The following DACH1 variants were observed in gnomAD, a reference collection of about 807,000 sequenced individuals.
DACH1 encodes the protein dachshund homolog 1.
In DACH1, 12 loss-of-function variants were observed where a neutral mutation model predicts 54.2. The ratio of observed to expected loss-of-function variants is 0.22; its 90% confidence interval spans 0.14 to 0.36. DACH1 has a LOEUF of 0.36. DACH1 is among the 10% of genes least tolerant of loss of function. The pLI is 1.00. For missense variants in DACH1, 805 were observed against 929.8 expected (o/e 0.87, Z 1.75); for synonymous variants, 386 against 366.2 (o/e 1.05, Z -0.62).
At chr13:71,515,747 T>C (rs1201646989) in intron 6 of DACH1, among the ~76,000 whole-genome samples, 2 of 151,962 alleles carry the variant, frequency 1.3e-5, no homozygotes, top group Non-Finnish European at 2.9e-5. Context: ...GGACTTATTC[T>C]TGGAGGTCAA....
chr13:71,809,390 C>T (rs1278975583), intron 1 of DACH1, among the ~76,000 whole-genome samples: 3 of 152,014 alleles, frequency 2.0e-5, no homozygotes, highest in African/African-American at 4.8e-5. Context: ...AGGCTTGTCT[C>T]GAACACCTGG....
chr13:71,771,316 GATAA>G (rs35368673), intron 1 of DACH1, among the ~76,000 whole-genome samples: 2,798 of 78,906 alleles, frequency 0.035, 51 homozygotes, highest in South Asian at 0.084. Flanking sequence ...GAAGCAAAAG[GATAA>G]ATAAATAAAT....
chr13:71,633,751 C>T (rs1327897185), intron 2 of DACH1, among the ~76,000 whole-genome samples: 1 of 152,128 alleles, frequency 6.6e-6, no homozygotes, highest in Non-Finnish European at 1.5e-5. Flanking sequence ...CACTAACTCA[C>T]CTGGCTGTTT....
intron 2 of DACH1, among the ~76,000 whole-genome samples, chr13:71,654,262 C>A (rs531060376): frequency 6.6e-6 from 1 of 151,384 alleles, no homozygotes; most frequent in Admixed American, 6.6e-5. Flanking sequence ...TGGCGGAGCA[C>A]ACCTGTAATC....
At chr13:71,724,793 T>TA (rs1461283676) in intron 1 of DACH1, among the ~76,000 whole-genome samples, 3 of 152,134 alleles carry the variant, frequency 2.0e-5, no homozygotes, top group Non-Finnish European at 4.4e-5. Context: ...TGTATTTTTT[T>TA]AAGCTCCAAT....
intron 10 of DACH1, among the ~76,000 whole-genome samples, chr13:71,465,169 A>C (rs1876455640): frequency 6.6e-6 from 1 of 152,098 alleles, no homozygotes; most frequent in Non-Finnish European, 1.5e-5. Context: ...AGAAGAATTT[A>C]TATCAAAGAG....
rs578202932 is a variant in DACH1 at position 71,724,821 on chromosome 13, C to T, written c.849-42911G>A. On this transcript the variant is annotated intron_variant, in intron 1 of 10. Coordinates refer to ENST00000613252, the MANE Select transcript of DACH1 (RefSeq NM_080759.6). ...GCTCCAATTAGCTCCATAAAGACTACTTTAGAGGAATAAAAACATTCAAAT... is the reference window on the plus strand; with the variant it reads ...GCTCCAATTAGCTCCATAAAGACTATTTTAGAGGAATAAAAACATTCAAAT... 1.3e-4 allele frequency among the ~76,000 whole-genome samples: 20 copies of T among 152,084 alleles called. No homozygotes were observed. The East Asian group carries it at 1.9e-3, about 15-fold the overall frequency.
intron 1 of DACH1, among the ~76,000 whole-genome samples, chr13:71,863,308 G>T (rs923024265): frequency 3.3e-5 from 5 of 152,178 alleles, no homozygotes; most frequent in South Asian, 2.1e-4. Context: ...ACCAAGGTAG[G>T]TATTTGCAAC....
At chr13:71,474,156 A>C (rs1424749371) in intron 10 of DACH1, among the ~76,000 whole-genome samples, 1 of 152,090 alleles carries the variant, frequency 6.6e-6, no homozygotes, top group Admixed American at 6.5e-5. Flanking sequence ...ATATAGGCAA[A>C]AAAAAATCCA....
At chr13:71,800,585 A>T (rs1594238005) in intron 1 of DACH1, among the ~76,000 whole-genome samples, 1 of 152,120 alleles carries the variant, frequency 6.6e-6, no homozygotes, top group African/African-American at 2.4e-5. Flanking sequence ...AATTATCAGG[A>T]GAGATTTTCC....
intron 6 of DACH1, among the ~76,000 whole-genome samples, chr13:71,527,849 A>G (rs1459126912): frequency 1.3e-5 from 2 of 152,010 alleles, no homozygotes; most frequent in African/African-American, 4.8e-5. Context: ...CTAAACAAAC[A>G]ACATGAAACT....
At chr13:71,537,060 G>A (rs1261755109) in intron 6 of DACH1, among the ~76,000 whole-genome samples, 6 of 152,044 alleles carry the variant, frequency 3.9e-5, no homozygotes, top group African/African-American at 9.7e-5. Flanking sequence ...ACCAAAGAAT[G>A]CAAACATCTC....
At position 71,810,079 on chromosome 13, in the gene DACH1, A is replaced by G. The variant is rs370059877; in HGVS notation, c.848+55843T>C. The stretch of plus-strand genomic sequence containing the variant: ...TAGAAAGAGAAAGCTGATTTTGAAG[A>G]CCAATGTTACCAATTTCACAAATTT... On this transcript the variant is annotated intron_variant, in intron 1 of 10. Transcript: ENST00000613252. 5.3e-5 allele frequency among the ~76,000 whole-genome samples: 8 copies of G among 152,324 alleles called. 1 individual carries two copies. In the South Asian group the frequency reaches 1.7e-3, roughly 32 times the overall value.
At chr13:71,460,354 T>G (rs1369931344) in intron 10 of DACH1, among the ~76,000 whole-genome samples, 2 of 151,782 alleles carry the variant, frequency 1.3e-5, no homozygotes, top group African/African-American at 4.8e-5. Context: ...ATCAGTGTTT[T>G]TGGAATTAGT....
At chr13:71,507,579 G>C (rs1426170141) in intron 6 of DACH1, among the ~76,000 whole-genome samples, 1 of 152,062 alleles carries the variant, frequency 6.6e-6, no homozygotes, top group Non-Finnish European at 1.5e-5. Flanking sequence ...AAATATTTAT[G>C]GATGAATGCC....
intron 10 of DACH1, among the ~76,000 whole-genome samples, chr13:71,447,258 G>T (rs939757838): frequency 3.3e-5 from 5 of 152,122 alleles, no homozygotes; most frequent in Non-Finnish European, 7.4e-5. Context: ...TACTACAGTT[G>T]CAACCATCAA....
chr13:71,715,472 C>A (rs771824019), intron 1 of DACH1, among the ~76,000 whole-genome samples: 5 of 152,040 alleles, frequency 3.3e-5, no homozygotes, highest in Admixed American at 6.6e-5. Context: ...GTACATTCTT[C>A]CAACCTAAGA....
intron 1 of DACH1, chr13:71,704,577 C>T (rs1177156511): frequency 4.2e-6 from 2 of 473,772 alleles, no homozygotes; most frequent in African/African-American, 4.1e-5. Flanking sequence ...CTGCTCCACC[C>T]AGAGAAGCAC....
intron 3 of DACH1, among the ~76,000 whole-genome samples, chr13:71,617,782 G>A (rs1162293792): frequency 6.6e-6 from 1 of 151,976 alleles, no homozygotes; most frequent in Non-Finnish European, 1.5e-5. Flanking sequence ...TTTCACTCAC[G>A]GACGTAGGCT....
Sources: allele counts gnomAD v4.1 joint callset (sites outside exome capture counted in the v4.1 genomes callset), GRCh38; gene constraint gnomAD v4.1.1; transcripts MANE v1.5; gene names NCBI Gene and HGNC (gene_info 2026-07-23, HGNC 2026-07-21).